The following KCNT2 variants were observed in gnomAD, a reference collection of about 807,000 sequenced individuals.
KCNT2 encodes potassium sodium-activated channel subfamily T member 2.
KCNT2 carries 67 observed loss-of-function variants against 153.8 expected under a neutral mutation model. The ratio of observed to expected loss-of-function variants is 0.44; its 90% confidence interval spans 0.36 to 0.53. The LOEUF (loss-of-function observed/expected upper bound fraction) is 0.53, where lower values mean the gene tolerates loss of function less well. Among genes scored for constraint, KCNT2 ranks in the 20% least tolerant of loss-of-function variants. KCNT2 has a pLI of 0.00. For synonymous variants in KCNT2, 500 were observed against 458.8 expected (o/e 1.09, Z -1.15); for missense variants, 975 against 1,354.8 (o/e 0.72, Z 4.40).
chr1:196,260,818 T>TA (rs1297943841), intron 25 of KCNT2, among the ~76,000 whole-genome samples: 2 of 151,720 alleles, frequency 1.3e-5, no homozygotes, highest in Non-Finnish European at 3.0e-5. Flanking sequence ...ATAGCCCCTA[T>TA]AAAAAAGTGA....
chr1:196,374,132 G>T (rs562904792), intron 13 of KCNT2, among the ~76,000 whole-genome samples: 1 of 151,952 alleles, frequency 6.6e-6, no homozygotes, highest in Admixed American at 6.6e-5. Context: ...AAATAAACAA[G>T]TATAGCTGGT....
At chr1:196,357,834 T>C (rs1667295529) in intron 14 of KCNT2, among the ~76,000 whole-genome samples, 1 of 151,882 alleles carries the variant, frequency 6.6e-6, no homozygotes, top group Non-Finnish European at 1.5e-5. Flanking sequence ...TATTCCTTTA[T>C]ATTTCTCTTT....
intron 1 of KCNT2, among the ~76,000 whole-genome samples, chr1:196,574,389 A>T (rs1188863336): frequency 1.3e-5 from 2 of 151,798 alleles, no homozygotes; most frequent in East Asian, 3.9e-4. Flanking sequence ...AGTGAAAGAG[A>T]GTGAAAGTTC....
At chr1:196,407,367 T>G (rs1047801602) in intron 12 of KCNT2, among the ~76,000 whole-genome samples, 1 of 151,560 alleles carries the variant, frequency 6.6e-6, no homozygotes, top group Non-Finnish European at 1.5e-5. Flanking sequence ...TACCAAAAAT[T>G]ATTTCTGAGT....
At chr1:196,596,389 T>C (rs1159038888) in intron 1 of KCNT2, among the ~76,000 whole-genome samples, 1 of 151,998 alleles carries the variant, frequency 6.6e-6, no homozygotes, top group Non-Finnish European at 1.5e-5. Flanking sequence ...CAAGCCAACA[T>C]TTATTGTTTT....
intron 13 of KCNT2, among the ~76,000 whole-genome samples, chr1:196,375,826 C>T (rs557350829): frequency 6.6e-6 from 1 of 151,806 alleles, no homozygotes; most frequent in Non-Finnish European, 1.5e-5. Flanking sequence ...TCATGAAAGC[C>T]TTTGTTAGAA....
chr1:196,602,318 A>G (rs1403726620), intron 1 of KCNT2, among the ~76,000 whole-genome samples: 2 of 152,246 alleles, frequency 1.3e-5, no homozygotes, highest in Non-Finnish European at 2.9e-5. Flanking sequence ...TTAGACAAGC[A>G]TGGTGCATAA....
At chr1:196,417,621 A>G (rs560375767) in intron 12 of KCNT2, among the ~76,000 whole-genome samples, 1 of 152,246 alleles carries the variant, frequency 6.6e-6, no homozygotes, top group South Asian at 2.1e-4. Flanking sequence ...ACAAAAGAGT[A>G]TAACTTTCTT....
intron 1 of KCNT2, among the ~76,000 whole-genome samples, chr1:196,566,785 A>G (rs1325830851): frequency 1.3e-5 from 2 of 152,172 alleles, no homozygotes; most frequent in Non-Finnish European, 2.9e-5. Flanking sequence ...AATGCCTTAT[A>G]AAGATGTCAA....
At chr1:196,503,516 T>C (rs1330798816) in intron 1 of KCNT2, among the ~76,000 whole-genome samples, 2 of 152,136 alleles carry the variant, frequency 1.3e-5, no homozygotes, top group Non-Finnish European at 2.9e-5. Context: ...TACCATGTAA[T>C]CTCTAACTCA....
At chr1:196,517,645 A>C (rs1652762921) in intron 1 of KCNT2, among the ~76,000 whole-genome samples, 1 of 152,252 alleles carries the variant, frequency 6.6e-6, no homozygotes, top group Non-Finnish European at 1.5e-5. Flanking sequence ...TTAACAGCAG[A>C]GTAGAACAAG....
chr1:196,522,226 C>G (rs6697795), intron 1 of KCNT2, among the ~76,000 whole-genome samples: 44,679 of 151,342 alleles, frequency 0.3, 6,797 homozygotes, highest in Admixed American at 0.38. Context: ...TTGTAAACTT[C>G]TTTATGTTAA....
At chr1:196,409,550 C>T (rs1008193617) in intron 12 of KCNT2, among the ~76,000 whole-genome samples, 7 of 151,578 alleles carry the variant, frequency 4.6e-5, no homozygotes, top group African/African-American at 1.7e-4. Context: ...TATTTACCAA[C>T]ATATTTATCA....
At chr1:196,272,685 C>CA (rs917743057) in intron 25 of KCNT2, among the ~76,000 whole-genome samples, 5 of 151,704 alleles carry the variant, frequency 3.3e-5, no homozygotes, top group Non-Finnish European at 7.4e-5. Flanking sequence ...TAGAAAAGAC[C>CA]AAAAAAACTA....
intron 12 of KCNT2, among the ~76,000 whole-genome samples, chr1:196,419,764 A>T (rs1472911307): frequency 6.6e-6 from 1 of 151,380 alleles, no homozygotes; most frequent in Non-Finnish European, 1.5e-5. Flanking sequence ...CCAATTTTCC[A>T]CCCTTAGTTT....
rs1224552940 is a variant in KCNT2, at chr1:196,369,379, G to A, written c.1403+3761C>T. On this transcript the variant is annotated intron_variant, in intron 14 of 27. Coordinates refer to ENST00000294725, the MANE Select transcript of KCNT2 (RefSeq NM_198503.5). Reference sequence around the variant, plus strand: ...TAGGGTACATGTGCACATTGTGCAGGTTAGTTACATATGTATACATGTGCC... The same window carrying A: ...TAGGGTACATGTGCACATTGTGCAGATTAGTTACATATGTATACATGTGCC... 2.6e-5 allele frequency among the ~76,000 whole-genome samples: 4 copies of A among 151,776 alleles called. No individual in the cohort carries two copies. In the East Asian group the frequency reaches 5.8e-4, roughly 22 times the overall value.
chr1:196,604,904 G>T (rs545723819), intron 1 of KCNT2, among the ~76,000 whole-genome samples: 1 of 152,130 alleles, frequency 6.6e-6, no homozygotes, highest in Admixed American at 6.6e-5. Context: ...CTACACAAAA[G>T]GTGGCACAAT....
intron 1 of KCNT2, among the ~76,000 whole-genome samples, chr1:196,562,653 T>A (rs1323101753): frequency 6.6e-6 from 1 of 151,662 alleles, no homozygotes; most frequent in Non-Finnish European, 1.5e-5. Context: ...AAATTGGTCA[T>A]GATATCGTTG....
chr1:196,584,970 T>A (rs1005591780), intron 1 of KCNT2, among the ~76,000 whole-genome samples: 1 of 151,950 alleles, frequency 6.6e-6, no homozygotes, highest in Non-Finnish European at 1.5e-5. Context: ...GTGGGTCCCA[T>A]GAAAAAGAGT....
Sources: allele counts gnomAD v4.1 joint callset (sites outside exome capture counted in the v4.1 genomes callset), GRCh38; gene constraint gnomAD v4.1.1; transcripts MANE v1.5; gene names NCBI Gene and HGNC (gene_info 2026-07-23, HGNC 2026-07-21).